Variants in PNKD observed in about 807,000 individuals in gnomAD.
PNKD encodes the protein PNKD metallo-beta-lactamase domain containing.
PNKD carries 36 observed loss-of-function variants against 45.3 expected under a neutral mutation model. That is an observed-to-expected ratio of 0.80 (90% CI 0.61 to 1.05). The LOEUF is 1.05. Ranked by LOEUF, PNKD falls within the 50% of genes least tolerant of loss-of-function variation. The probability of loss-of-function intolerance (pLI) is 0.00; values close to 1 mark genes in which losing one functional copy is unlikely to be tolerated. For missense variants in PNKD, 511 were observed against 506.6 expected, an observed-to-expected ratio of 1.01 and a Z score of -0.08; for synonymous variants, 197 against 210.1, an observed-to-expected ratio of 0.94 and a Z score of 0.54.
In PNKD at chr2:218,271,625, A is replaced by C. The variant is rs74478311; in HGVS notation, c.236+76A>C. The stretch of plus-strand genomic sequence containing the variant: ...AGGGCAGGACTTAGAAACTTCTCCA[A>C]GTTTCAGGTGGCGAGCTGAATCCAA... On this transcript the variant is annotated intron_variant, in intron 2 of 9. Transcript: ENST00000273077. 2.2e-6 allele frequency: 3 copies of C among 1,350,998 alleles called. No homozygotes were observed. The East Asian group carries it at 6.9e-5, about 31-fold the overall frequency. The allele number at this position is 1,350,998 out of a possible 1,614,324, so 83.7% of individuals were successfully genotyped here. A position where few individuals can be genotyped will look rare whatever the true frequency, so the allele number is the denominator to read the frequency against.
intron 2 of PNKD, among the ~76,000 whole-genome samples, chr2:218,288,345 C>T (rs944592521): frequency 1.3e-5 from 2 of 152,208 alleles, no homozygotes; most frequent in African/African-American, 4.8e-5. Flanking sequence ...AGAAGAATGG[C>T]ATGAACCCGG....
chr2:218,299,603 C>G (rs1158985868), intron 2 of PNKD, among the ~76,000 whole-genome samples: 1 of 151,954 alleles, frequency 6.6e-6, no homozygotes, highest in Non-Finnish European at 1.5e-5. Flanking sequence ...CACCACTGCA[C>G]CTGGCTAATT....
At chr2:218,319,573 A>G (rs1256225605) in intron 2 of PNKD, among the ~76,000 whole-genome samples, 1 of 151,258 alleles carries the variant, frequency 6.6e-6, no homozygotes, top group Admixed American at 6.6e-5. Context: ...ACAGGGTTTC[A>G]CTGTATTGGT....
intron 2 of PNKD, among the ~76,000 whole-genome samples, chr2:218,306,621 G>A (rs1693414077): frequency 6.6e-6 from 1 of 152,126 alleles, no homozygotes; most frequent in African/African-American, 2.4e-5. Flanking sequence ...TCCTAGTGGA[G>A]CCAGGGTTCT....
intron 2 of PNKD, among the ~76,000 whole-genome samples, chr2:218,330,571 G>A (rs969492481): frequency 6.6e-6 from 1 of 152,224 alleles, no homozygotes; most frequent in Non-Finnish European, 1.5e-5. Flanking sequence ...CCTTGGGGCA[G>A]CTGCCACTTG....
chr2:218,337,220 G>A (rs558489910), intron 2 of PNKD, among the ~76,000 whole-genome samples: 2 of 151,968 alleles, frequency 1.3e-5, no homozygotes, highest in South Asian at 2.1e-4. Flanking sequence ...GATTACAGGC[G>A]CCTGCCACCA....
intron 2 of PNKD, among the ~76,000 whole-genome samples, chr2:218,338,763 C>A (rs1245719425): frequency 1.6e-4 from 23 of 146,098 alleles, no homozygotes; most frequent in Non-Finnish European, 2.8e-4. Flanking sequence ...GGATTACAGG[C>A]GTGAGACACC....
At position 218,345,589 on chromosome 2, in the gene PNKD, G is replaced by C. The variant is rs1303413591; in HGVS notation, c.*608G>C. On this transcript the variant is annotated 3_prime_UTR_variant, in exon 10 of 10. Transcript: ENST00000273077. ...AAGAACACTGAAGGGCTGGAATGCTGGCTGGCCACTCTCTGCCTCAGTGGC... is the reference window on the plus strand; with the variant it reads ...AAGAACACTGAAGGGCTGGAATGCTCGCTGGCCACTCTCTGCCTCAGTGGC... 6.5e-6 allele frequency: 1 copy of C among 152,956 alleles called. No individual in the cohort carries two copies. Among genetic ancestry groups the C allele is most frequent in the African/African-American group, 2.4e-5 (1 of 41,460 alleles). 9.5% of individuals were successfully genotyped at this position (152,956 alleles called of 1,614,324 possible). A position where few individuals can be genotyped will look rare whatever the true frequency, so the allele number is the denominator to read the frequency against.
intron 2 of PNKD, among the ~76,000 whole-genome samples, chr2:218,302,746 A>G (rs1693302246): frequency 6.6e-6 from 1 of 152,210 alleles, no homozygotes; most frequent in Non-Finnish European, 1.5e-5. Context: ...ATGAGCGACT[A>G]TGGCCCTTGA....
intron 2 of PNKD, among the ~76,000 whole-genome samples, chr2:218,296,834 T>A (rs561752338): frequency 1.3e-5 from 2 of 152,032 alleles, no homozygotes; most frequent in East Asian, 3.9e-4. Flanking sequence ...CCCACCACAA[T>A]GCCCAGCTAA....
chr2:218,279,615 A>G (rs1313899859), intron 2 of PNKD: 1 of 496,240 alleles, frequency 2.0e-6, no homozygotes, highest in Non-Finnish European at 3.6e-6. Context: ...ACCATACTCT[A>G]CCAGTATGGC....
intron 2 of PNKD, among the ~76,000 whole-genome samples, chr2:218,274,012 T>C (rs1690980360): frequency 1.3e-5 from 2 of 152,028 alleles, no homozygotes; most frequent in South Asian, 4.2e-4. Context: ...TGTGATAGGG[T>C]TGAGCTCTCC....
At chr2:218,280,272 T>C in intron 2 of PNKD, 1 of 645,664 alleles carries the variant, frequency 1.5e-6, no homozygotes, top group Non-Finnish European at 2.8e-6. Flanking sequence ...GCTGGGGTCT[T>C]CTAGACACCC....
At chr2:218,337,416 G>C (rs1694530138) in intron 2 of PNKD, among the ~76,000 whole-genome samples, 1 of 152,136 alleles carries the variant, frequency 6.6e-6, no homozygotes, top group African/African-American at 2.4e-5. Flanking sequence ...CTGTTGGCTT[G>C]CTAGTTAATA....
At chr2:218,290,271 T>C (rs1199904801) in intron 2 of PNKD, among the ~76,000 whole-genome samples, 1 of 152,216 alleles carries the variant, frequency 6.6e-6, no homozygotes, top group Non-Finnish European at 1.5e-5. Context: ...TTCAGCTTTG[T>C]TTAACCCAGT....
chr2:218,294,659 G>A (rs149140999), intron 2 of PNKD, among the ~76,000 whole-genome samples: 6 of 152,256 alleles, frequency 3.9e-5, no homozygotes, highest in African/African-American at 1.4e-4. Context: ...TGTATTTTTT[G>A]TAGAGACAGG....
At chr2:218,316,546 C>T (rs1022343359) in intron 2 of PNKD, among the ~76,000 whole-genome samples, 2 of 152,168 alleles carry the variant, frequency 1.3e-5, no homozygotes, top group East Asian at 1.9e-4. Context: ...GCTGGGATTA[C>T]AGGCGTGAGC....
intron 2 of PNKD, among the ~76,000 whole-genome samples, chr2:218,297,708 G>T (rs12990253): frequency 1.0e-5 from 1 of 100,384 alleles, no homozygotes; most frequent in Non-Finnish European, 2.0e-5. Context: ...AAAAAAAAAA[G>T]AGAGAAGAAA....
chr2:218,309,431 AAAAAAAAGGAAAG>A (rs1693532766), intron 2 of PNKD, among the ~76,000 whole-genome samples: 1 of 150,978 alleles, frequency 6.6e-6, no homozygotes, highest in Admixed American at 6.6e-5. Flanking sequence ...AAAAAAAAAA[AAAAAAAAGGAAAG>A]AAAAGGAGAA....
Sources: gnomAD v4.1 joint callset for allele counts (sites outside exome capture counted in the v4.1 genomes callset) on GRCh38, gnomAD v4.1.1 for gene constraint, MANE v1.5 for transcripts, NCBI Gene and HGNC (gene_info 2026-07-23, HGNC 2026-07-21) for gene names.